NLRP9: variants seen among roughly 807,000 people sequenced by gnomAD.
NLRP9 encodes the protein NLR family pyrin domain containing 9, also known as NACHT, LRR and PYD domains-containing protein 9.
In NLRP9, 88 loss-of-function variants were observed where a neutral mutation model predicts 83.1. The ratio of observed to expected loss-of-function variants is 1.06; its 90% CI spans 0.89 to 1.26. The LOEUF is 1.26. Among genes scored for constraint, NLRP9 ranks in the 50% most tolerant of loss-of-function variants. NLRP9 has a pLI of 0.00. For missense variants in NLRP9, 1,308 were observed against 1,179.3 expected, an observed-to-expected ratio of 1.11 and a Z score of -1.60; for synonymous variants, 521 against 447.6, an observed-to-expected ratio of 1.16 and a Z score of -2.07.
intron 3 of NLRP9, among the ~76,000 whole-genome samples, chr19:55,724,686 C>G (rs1420501114): frequency 1.3e-5 from 2 of 151,892 alleles, no homozygotes; most frequent in Non-Finnish European, 2.9e-5. Flanking sequence ...TGCTTTTCTC[C>G]TTGTTGCTTT....
At chr19:55,722,818 T>TA (rs1312853633) in intron 4 of NLRP9, among the ~76,000 whole-genome samples, 2 of 151,832 alleles carry the variant, frequency 1.3e-5, no homozygotes, top group East Asian at 1.9e-4. Context: ...TATGCAGCCA[T>TA]AAAAAAGGAA....
chr19:55,737,994 A>G (rs983040077), intron 1 of NLRP9, 101 bp downstream of exon 1: 2 of 1,119,454 alleles, frequency 1.8e-6, no homozygotes, highest in Admixed American at 3.6e-5. Flanking sequence ...TGACCCACAC[A>G]CATTCTCATC....
Position 55,732,209 on chromosome 19 carries a change from G to A in NLRP9, c.1622C>T (p.Ala541Val). The stretch of plus-strand genomic sequence containing the variant: ...CAAACCAATGAATAGTTCCTGGAAA[G>A]CTATGGCTTCCCTATCAGCTTCACA... ...SQCEADREAI[A>V]FQELFIGLFE... The change falls in exon 2 of 9, where the codon GCT becomes GTT. Residue 541 changes from alanine to valine, a missense_variant. By Grantham distance (64) the Ala-to-Val change is moderately conservative (BLOSUM62 0). Transcript: ENST00000332836. 1.2e-6 allele frequency: 2 copies of A among 1,613,682 alleles called. No individual in the cohort carries two copies. Among genetic ancestry groups the A allele is most frequent in the Non-Finnish European group, 1.7e-6 (2 of 1,179,666 alleles).
Position 55,732,067 on chromosome 19 carries a change from A to G in NLRP9, c.1764T>C (p.Cys588=). ...LVIASFCLKH[C]QHLTTLRMCV... is the part of the protein sequence containing the mutation. The stretch of plus-strand genomic sequence containing the variant: ...ACATGCGAAGTGTCGTTAAATGTTG[A>G]CAATGCTTCAGGCAGAATGAAGCTA... Residue 588 remains cysteine (C), a synonymous_variant, in exon 2 of 9, where the codon TGT becomes TGC. Transcript: ENST00000332836. 6.2e-7 allele frequency: 1 copy of G among 1,607,102 alleles called. No homozygotes were observed. Among genetic ancestry groups the G allele is most frequent in the Non-Finnish European group, 8.5e-7 (1 of 1,177,948 alleles).
intron 7 of NLRP9, 116 bp from the exon 8 acceptor site, chr19:55,712,086 G>A: frequency 6.8e-6 from 7 of 1,029,580 alleles, no homozygotes; most frequent in Non-Finnish European, 8.6e-6. Flanking sequence ...GTCTAGACCC[G>A]GGCTTCTCAG....
At chr19:55,718,598 G>A (rs1321847907) in intron 4 of NLRP9, among the ~76,000 whole-genome samples, 1 of 152,148 alleles carries the variant, frequency 6.6e-6, no homozygotes, top group Non-Finnish European at 1.5e-5. Flanking sequence ...ACCTTTCCTT[G>A]AACTTATTCA....
intron 3 of NLRP9, 42 bp from the exon 4 acceptor site, chr19:55,724,186 C>A: frequency 1.4e-6 from 2 of 1,425,976 alleles, no homozygotes; most frequent in South Asian, 1.2e-5. Flanking sequence ...GCAATGAGAT[C>A]CCAGCACAAA....
intron 1 of NLRP9, chr19:55,737,711 G>A (rs1988819515): frequency 6.4e-6 from 1 of 155,236 alleles, no homozygotes; most frequent in Non-Finnish European, 1.3e-5. Flanking sequence ...ACCAGCCTGA[G>A]CAACATGGCA....
intron 8 of NLRP9, among the ~76,000 whole-genome samples, chr19:55,711,109 A>AG (rs1987699549): frequency 1.8e-5 from 1 of 56,116 alleles, no homozygotes; most frequent in Non-Finnish European, 3.5e-5. Context: ...AAAACAAAAC[A>AG]AAAAAAAAAC....
In NLRP9 at chr19:55,712,600, T is replaced by C. The variant is rs766416614; in HGVS notation, c.2502-10A>G. On this transcript the variant is annotated splice_polypyrimidine_tract_variant and intron_variant, in intron 6 of 8. Coordinates refer to ENST00000332836, the MANE Select transcript of NLRP9 (RefSeq NM_176820.4). Reference sequence around the variant, plus strand: ...GAAACAGCCCATCAACCTGGGGAGGTGGAAGACACACAAATACGTACACTT... The same window carrying C: ...GAAACAGCCCATCAACCTGGGGAGGCGGAAGACACACAAATACGTACACTT... 1 of 1,610,804 alleles carries C rather than the reference T, an allele frequency of 6.2e-7. No individual in the cohort carries two copies.
At chr19:55,713,596 TCCTCTCCCTCCTCC>T (rs1011489973) in intron 6 of NLRP9, among the ~76,000 whole-genome samples, 11 of 25,564 alleles carry the variant, frequency 4.3e-4, no homozygotes, top group East Asian at 2.1e-3. Flanking sequence ...CCCCTCCTCC[TCCTCTCCCTCCTCC>T]CCTCTCCCTC....
chr19:55,721,357 G>C (rs983194602), intron 4 of NLRP9, among the ~76,000 whole-genome samples: 2 of 152,096 alleles, frequency 1.3e-5, no homozygotes, highest in Non-Finnish European at 2.9e-5. Context: ...TTGTCATAAG[G>C]GTTTCCAGAT....
At position 55,715,022 on chromosome 19, in the gene NLRP9, C is replaced by T. The variant is rs765683661; in HGVS notation, c.2501+33G>A. On this transcript the variant is annotated intron_variant, in intron 6 of 8. Coordinates refer to ENST00000332836, the MANE Select transcript of NLRP9 (RefSeq NM_176820.4). ...AGCCACAGTATCCAAAAAAAGAAAC[C>T]CTGACATTGAAGCAAATCATGGCCG... The T allele has an allele frequency of 5.7e-6, 9 of 1,575,678 alleles. No individual in the cohort carries two copies. In the Middle Eastern group the frequency reaches 1.4e-3, roughly 245 times the overall value.
intron 1 of NLRP9, among the ~76,000 whole-genome samples, chr19:55,736,120 G>T (rs1397744967): frequency 2.0e-5 from 3 of 151,782 alleles, no homozygotes; most frequent in Non-Finnish European, 4.4e-5. Context: ...ATTTAAAACT[G>T]ATGATTCACG....
chr19:55,712,280 TG>T, intron 7 of NLRP9, 139 bp downstream of exon 7: 1 of 743,182 alleles, frequency 1.3e-6, no homozygotes, highest in Non-Finnish European at 2.2e-6. Context: ...GAGCAAACCC[TG>T]GGGCAGCATT....
chr19:55,709,875 A>G (rs1170886100), intron 8 of NLRP9: 1 of 152,222 alleles, frequency 6.6e-6, no homozygotes, highest in East Asian at 1.9e-4. Flanking sequence ...TAAGACTGGA[A>G]CATAGGCCTT....
In NLRP9 at chr19:55,731,233, A is replaced by C. The variant is rs527618526; in HGVS notation, c.1832+766T>G. On this transcript the variant is annotated intron_variant, in intron 2 of 8. Transcript: ENST00000332836. ...GGCAAAATCAGCAGAGGGAAAAGGC[A>C]TATGGAAAAAATGCAGAGGAAACAA... is the stretch of plus-strand genomic sequence containing the variant. Among the ~76,000 whole-genome samples, 13 of 152,232 alleles carry C rather than the reference A, an allele frequency of 8.5e-5. 1 individual carries two copies. The South Asian group carries it at 2.7e-3, about 32-fold the overall frequency.
chr19:55,723,139 G>A (rs1438321200), intron 4 of NLRP9, among the ~76,000 whole-genome samples: 1 of 152,074 alleles, frequency 6.6e-6, no homozygotes, highest in Non-Finnish European at 1.5e-5. Flanking sequence ...AGAACTTAAA[G>A]TATAATAATA....
At chr19:55,717,347 T>A (rs1988061929) in intron 4 of NLRP9, among the ~76,000 whole-genome samples, 1 of 152,118 alleles carries the variant, frequency 6.6e-6, no homozygotes, top group Non-Finnish European at 1.5e-5. Context: ...TACAAACTTT[T>A]AAGAAGTGCA....
Sources: gnomAD v4.1 joint callset for allele counts (sites outside exome capture counted in the v4.1 genomes callset) on GRCh38, gnomAD v4.1.1 for gene constraint, MANE v1.5 for transcripts, NCBI Gene and HGNC (gene_info 2026-07-23, HGNC 2026-07-21) for gene names.